The following GRIN2A variants were observed in gnomAD, a reference collection of about 807,000 sequenced individuals.
GRIN2A encodes glutamate receptor ionotropic, NMDA 2A.
Under a neutral mutation model 113.4 loss-of-function variants are expected in GRIN2A, and 22 were observed. That is an observed-to-expected ratio of 0.19 (90% CI 0.14 to 0.28). The LOEUF is 0.28. GRIN2A is among the 10% of genes least tolerant of loss of function. GRIN2A has a pLI of 1.00. For synonymous variants in GRIN2A, 827 were observed against 738.4 expected (o/e 1.12, Z -1.94); for missense variants, 1,502 against 1,887.0 (o/e 0.80, Z 3.78).
intron 2 of GRIN2A, among the ~76,000 whole-genome samples, chr16:10,177,707 A>G (rs1339770487): frequency 1.3e-5 from 2 of 151,910 alleles, no homozygotes; most frequent in Non-Finnish European, 2.9e-5. Context: ...TTCCACCCAT[A>G]CTCCCTGGAC....
Position 10,024,487 on chromosome 16 carries a change from G to A in GRIN2A, c.415-85936C>T, listed in dbSNP as rs1207844340. On this transcript the variant is annotated intron_variant, in intron 2 of 12. Coordinates refer to ENST00000330684, the MANE Select transcript of GRIN2A (RefSeq NM_001134407.3). ...CCCGTCTTGGCCTCCCAAAGTGCTG[G>A]AATTACAGGCGTGAGCCAACGTGCC... Among the ~76,000 whole-genome samples the A allele has an allele frequency of 2.0e-5, 3 of 152,230 alleles. No homozygotes were observed. The East Asian group carries it at 5.8e-4, about 29-fold the overall frequency.
Position 10,180,746 on chromosome 16 carries a change from GCCGCGGGCCACAGACC to G in GRIN2A, c.-18-333_-18-318del. The stretch of plus-strand genomic sequence containing the variant: ...ATCCCCCACCGCATTCCCCAAGTTC[GCCGCGGGCCACAGACC>G]CTAAGCGCCGCGCGTGTTCTGTACC... On this transcript the variant is annotated intron_variant, in intron 1 of 12. Transcript: ENST00000330684. The surrounding 1 kb of genome is among the most constrained non-coding windows in gnomAD (Gnocchi z 7.0). 2.1e-6 allele frequency: 1 copy of G among 484,868 alleles called. No individual in the cohort carries two copies. The highest frequency in any genetic ancestry group is 3.8e-5 in the East Asian group (1 of 26,058). 30.0% of individuals were successfully genotyped at this position (484,868 alleles called of 1,614,324 possible).
intron 2 of GRIN2A, among the ~76,000 whole-genome samples, chr16:10,056,006 A>G (rs375435001): frequency 1.3e-5 from 2 of 152,178 alleles, no homozygotes; most frequent in African/African-American, 4.8e-5. Context: ...TATTGCACCA[A>G]ATGAATTCAC....
chr16:9,834,921 A>G (rs1167535148), intron 7 of GRIN2A, among the ~76,000 whole-genome samples: 1 of 152,214 alleles, frequency 6.6e-6, no homozygotes. Context: ...AGCTAGGAAG[A>G]AAAAAGACTA....
At chr16:9,783,528 T>C (rs540798780) in intron 11 of GRIN2A, among the ~76,000 whole-genome samples, 2 of 152,382 alleles carry the variant, frequency 1.3e-5, no homozygotes, top group Admixed American at 6.5e-5. Flanking sequence ...CTTCCATTCA[T>C]AGCCTACCCT....
intron 2 of GRIN2A, among the ~76,000 whole-genome samples, chr16:10,063,776 AT>A (rs1429069782): frequency 6.6e-6 from 1 of 152,190 alleles, no homozygotes. Flanking sequence ...AGTCAAAATA[AT>A]AAAAAAGAAC....
intron 2 of GRIN2A, among the ~76,000 whole-genome samples, chr16:9,977,692 C>A (rs1188717346): frequency 1.3e-5 from 2 of 152,208 alleles, no homozygotes; most frequent in East Asian, 3.9e-4. Context: ...CCACTCTCCT[C>A]CTCATATCCC....
intron 2 of GRIN2A, among the ~76,000 whole-genome samples, chr16:10,123,639 C>G (rs1321709383): frequency 6.6e-6 from 1 of 152,132 alleles, no homozygotes; most frequent in Non-Finnish European, 1.5e-5. Context: ...CAGATTCTAG[C>G]TCGGTCAGTC....
chr16:10,007,877 G>A lies in GRIN2A; in HGVS notation c.415-69326C>T, dbSNP rs183785866. 4.4e-3 allele frequency among the ~76,000 whole-genome samples: 674 copies of A among 152,230 alleles called. 3 individuals carry two copies. Among genetic ancestry groups the A allele is most frequent in the Non-Finnish European group, 7.0e-3 (474 of 68,006 alleles). ...AAGAACACAGGAGGACTTTAGAATG[G>A]AAGGTCCTAAGCAGGAAGGACAGTC... On this transcript the variant is annotated intron_variant, in intron 2 of 12. Coordinates refer to ENST00000330684, the MANE Select transcript of GRIN2A (RefSeq NM_001134407.3).
intron 12 of GRIN2A, among the ~76,000 whole-genome samples, chr16:9,766,027 C>T (rs1830800535): frequency 6.6e-6 from 1 of 152,122 alleles, no homozygotes; most frequent in African/African-American, 2.4e-5. Flanking sequence ...CAATAACAGG[C>T]AAAAGGACGT....
intron 5 of GRIN2A, among the ~76,000 whole-genome samples, chr16:9,845,253 G>A (rs1469104399): frequency 6.6e-6 from 1 of 152,134 alleles, no homozygotes; most frequent in African/African-American, 2.4e-5. Context: ...CAGTAGAAAA[G>A]TCAATTCTTT....
At chr16:9,833,401 G>A (rs2042531119) in intron 8 of GRIN2A, among the ~76,000 whole-genome samples, 1 of 152,212 alleles carries the variant, frequency 6.6e-6, no homozygotes, top group South Asian at 2.1e-4. Flanking sequence ...TGATTCAGTA[G>A]TTTGAGGAAT....
rs2141129221 is a variant in GRIN2A, at chr16:9,763,713, A to G, written c.3831T>C (p.Leu1277=). ...TCCTTAGCTTGTTCTTTTGTAATTG[A>G]AGGGCATTGTTCTGTGCCCAGTCCT... The part of the protein sequence containing the change: ...YQQDWAQNNA[L]QLQKNKLRIS... Residue 1277 remains leucine, a synonymous_variant, in exon 13 of 13, where the codon CTT becomes CTC. Coordinates refer to ENST00000330684, the MANE Select transcript of GRIN2A (RefSeq NM_001134407.3). 1 of 1,614,054 alleles carries G rather than the reference A, an allele frequency of 6.2e-7. No individual in the cohort carries two copies. The highest frequency in any genetic ancestry group is 8.5e-7 in the Non-Finnish European group (1 of 1,179,986).
At chr16:10,044,284 G>A (rs140125613) in intron 2 of GRIN2A, among the ~76,000 whole-genome samples, 2,285 of 151,826 alleles carry the variant, frequency 0.015, 32 homozygotes, top group South Asian at 0.061. Context: ...CACCCACCTC[G>A]GCCTCCCAAA....
Position 9,841,022 on chromosome 16 carries a change from C to T in GRIN2A, c.1411G>A (p.Val471Met), listed in dbSNP as rs759490557. 3.1e-6 allele frequency: 5 copies of T among 1,613,338 alleles called. No individual in the cohort carries two copies. The highest frequency in any genetic ancestry group is 2.2e-5 in the South Asian group (2 of 91,072). The change falls in exon 6 of 13, where the codon GTG (valine) becomes ATG (methionine). Residue 471 changes from valine (V) to methionine (M), a missense_variant. By Grantham distance (21) the Val-to-Met change is conservative. This residue lies in a region of GRIN2A where 82 missense variants were observed against 222.7 expected (regional missense o/e 0.37). Coordinates refer to ENST00000330684, the MANE Select transcript of GRIN2A (RefSeq NM_001134407.3). Reference sequence around the variant, plus strand: ...AGATAGAGGTCGTAAGTAAACTTCACAGTTCTGGAAAGCTTCTTCAGAATA... The same window carrying T: ...AGATAGAGGTCGTAAGTAAACTTCATAGTTCTGGAAAGCTTCTTCAGAATA... The part of the protein sequence containing the change: ...IDILKKLSRT[V>M]KFTYDLYLVT...
chr16:9,782,243 C>G (rs1901981102), intron 11 of GRIN2A, among the ~76,000 whole-genome samples: 1 of 151,978 alleles, frequency 6.6e-6, no homozygotes, highest in Non-Finnish European at 1.5e-5. Context: ...GGTGTAACAA[C>G]TATTTAGATC....
intron 2 of GRIN2A, among the ~76,000 whole-genome samples, chr16:9,974,428 C>T (rs2045735864): frequency 1.3e-5 from 2 of 152,238 alleles, no homozygotes; most frequent in East Asian, 1.9e-4. Flanking sequence ...TTCTGATTAC[C>T]GGTGCATGCA....
intron 2 of GRIN2A, among the ~76,000 whole-genome samples, chr16:10,143,734 G>A (rs1207299310): frequency 6.6e-6 from 1 of 152,118 alleles, no homozygotes; most frequent in African/African-American, 2.4e-5. Flanking sequence ...GGAGACCAAG[G>A]CAAGTGGATC....
intron 4 of GRIN2A, among the ~76,000 whole-genome samples, chr16:9,872,417 T>C (rs1365516759): frequency 6.6e-6 from 1 of 152,180 alleles, no homozygotes; most frequent in African/African-American, 2.4e-5. Flanking sequence ...GGCATTGATT[T>C]TGTATTTTGG....
Sources: allele counts gnomAD v4.1 joint callset (sites outside exome capture counted in the v4.1 genomes callset), GRCh38; gene constraint gnomAD v4.1.1; regional missense constraint gnomAD v4.1.1; non-coding constraint Gnocchi (gnomAD v3.1); transcripts MANE v1.5; gene names NCBI Gene and HGNC (gene_info 2026-07-23, HGNC 2026-07-21).